UGT1A4: variants seen among roughly 807,000 people sequenced by gnomAD.
UGT1A4 encodes the protein UDP-glucuronosyltransferase 1A4.
UGT1A4 carries 32 observed loss-of-function variants against 41.1 expected under a neutral mutation model. That is an observed-to-expected ratio of 0.78 (90% CI 0.59 to 1.05). The LOEUF is 1.05. Among genes scored for constraint, UGT1A4 ranks in the 50% least tolerant of loss-of-function variants. The pLI, the probability that UGT1A4 is intolerant of heterozygous loss-of-function variation, is 0.00. For synonymous variants in UGT1A4, 283 were observed against 265.1 expected (o/e 1.07, Z -0.66); for missense variants, 748 against 677.4 (o/e 1.10, Z -1.16).
At chr2:233,738,215 A>G (rs927290766) in intron 1 of UGT1A4, among the ~76,000 whole-genome samples, 4 of 152,078 alleles carry the variant, frequency 2.6e-5, no homozygotes, top group African/African-American at 9.7e-5. Context: ...TGCCAGGATT[A>G]TAAGTTTCCT....
In UGT1A4 at chr2:233,769,475, G is replaced by A. The variant is rs1699877907; in HGVS notation, c.1307+1036G>A. 2.5e-6 allele frequency: 4 copies of A among 1,611,166 alleles called. No homozygotes were observed. The highest frequency in any genetic ancestry group is 1.7e-4 in the Middle Eastern group (1 of 6,054). ...TGTGCATTCATATGCGTGTGTGTGT[G>A]TGTGCGTGTGTTTATGAGAGTGTCC... On this transcript the variant is annotated intron_variant, in intron 4 of 4. Coordinates refer to ENST00000373409, the MANE Select transcript of UGT1A4 (RefSeq NM_007120.3). The surrounding 1 kb of genome is among the most constrained non-coding windows in gnomAD (Gnocchi z 4.4).
rs1328380095 is a variant in UGT1A4, at chr2:233,769,540, G to A, written c.1307+1101G>A. On this transcript the variant is annotated intron_variant, in intron 4 of 4. Coordinates refer to ENST00000373409, the MANE Select transcript of UGT1A4 (RefSeq NM_007120.3). The surrounding 1 kb of genome is among the most constrained non-coding windows in gnomAD (Gnocchi z 4.4). ...TGGTTACCTCCTTTAGAAAGAAGCA[G>A]CAGTCAGGAAGACAGATGTGAAGAG... The A allele has an allele frequency of 1.9e-6, 3 of 1,612,926 alleles. No homozygotes were observed. In the South Asian group the frequency reaches 3.3e-5, roughly 18 times the overall value.
intron 1 of UGT1A4, among the ~76,000 whole-genome samples, chr2:233,751,287 T>G (rs1462877412): frequency 6.6e-6 from 1 of 151,922 alleles, no homozygotes; most frequent in Admixed American, 6.5e-5. Context: ...GTTTCTCCCA[T>G]TTGGAATGGG....
chr2:233,760,562 T>C (rs1218423176), intron 1 of UGT1A4: 6 of 1,614,228 alleles, frequency 3.7e-6, no homozygotes, highest in East Asian at 2.2e-5. Flanking sequence ...AAAGAGTCTT[T>C]TGTTAGTCTC....
intron 1 of UGT1A4, chr2:233,760,619 A>G: frequency 6.2e-7 from 1 of 1,614,198 alleles, no homozygotes; most frequent in Non-Finnish European, 8.5e-7. Flanking sequence ...CGTGTGATCA[A>G]AACATACAAG....
At chr2:233,734,343 T>G (rs1193439739) in intron 1 of UGT1A4, among the ~76,000 whole-genome samples, 2 of 152,200 alleles carry the variant, frequency 1.3e-5, no homozygotes, top group Admixed American at 6.5e-5. Flanking sequence ...TGATGGTAGT[T>G]TGTATTTCTG....
chr2:233,743,534 T>C, intron 1 of UGT1A4: 1 of 1,367,218 alleles, frequency 7.3e-7, no homozygotes, highest in Non-Finnish European at 9.8e-7. Flanking sequence ...CCCCAGCAGT[T>C]CCTCTGACCC....
At chr2:233,747,177 T>A in intron 1 of UGT1A4, 1 of 1,600,690 alleles carries the variant, frequency 6.2e-7, no homozygotes, top group Non-Finnish European at 8.5e-7. Context: ...AGGCACAGCG[T>A]GGGGTGGACA....
chr2:233,755,387 G>A lies in UGT1A4; in HGVS notation c.868-11647G>A, dbSNP rs28900392. On this transcript the variant is annotated intron_variant, in intron 1 of 4. Transcript: ENST00000373409. Reference sequence around the variant, plus strand: ...CGCCTGGAGGGCCGCCCCTTATGACGCAGCCACATCTCATTGGCCGAGGCC... The same window carrying A: ...CGCCTGGAGGGCCGCCCCTTATGACACAGCCACATCTCATTGGCCGAGGCC... 908 of 345,012 alleles carry A rather than the reference G, an allele frequency of 2.6e-3. 4 individuals are homozygous for A. Among genetic ancestry groups the A allele is most frequent in the African/African-American group, 0.018 (852 of 46,552 alleles). The allele number at this position is 345,012 out of a possible 1,614,324, so 21.4% of individuals were successfully genotyped here.
chr2:233,761,112 T>C (rs762490577), intron 1 of UGT1A4: 2 of 1,614,122 alleles, frequency 1.2e-6, no homozygotes, highest in Non-Finnish European at 1.7e-6. Flanking sequence ...TGGTTTTTGT[T>C]GGTGGAATCA....
rs574223666 is a variant in UGT1A4, at chr2:233,734,984, T to C, written c.867+15297T>C. ...GTGATGTGGTGCTGAGAAGAATGTA[T>C]ATTCTCTTGACTTAGGGTGGAGAGT... On this transcript the variant is annotated intron_variant, in intron 1 of 4. Transcript: ENST00000373409. Among the ~76,000 whole-genome samples, 9 of 152,370 alleles carry C rather than the reference T, an allele frequency of 5.9e-5. No homozygotes were observed. In the East Asian group the frequency reaches 1.5e-3, roughly 26 times the overall value.
At chr2:233,735,564 G>A (rs550679567) in intron 1 of UGT1A4, among the ~76,000 whole-genome samples, 59 of 152,124 alleles carry the variant, frequency 3.9e-4, no homozygotes, top group African/African-American at 1.3e-3. Flanking sequence ...TGGTGTTATC[G>A]GGTTATTTTG....
chr2:233,724,346 C>T (rs1441595042), intron 1 of UGT1A4, among the ~76,000 whole-genome samples: 2 of 148,086 alleles, frequency 1.4e-5, no homozygotes, highest in Admixed American at 6.7e-5. Context: ...GCTGACCCCC[C>T]CCACCTCCCT....
Position 233,769,795 on chromosome 2 carries a change from C to A in UGT1A4, c.1307+1356C>A. 1 of 1,235,564 alleles carries A rather than the reference C, an allele frequency of 8.1e-7. No homozygotes were observed. The highest frequency in any genetic ancestry group is 1.1e-6 in the Non-Finnish European group (1 of 932,226). 76.5% of individuals were successfully genotyped at this position (1,235,564 alleles called of 1,614,324 possible). On this transcript the variant is annotated intron_variant, in intron 4 of 4. Coordinates refer to ENST00000373409, the MANE Select transcript of UGT1A4 (RefSeq NM_007120.3). This position sits in a 1 kb window ranked among gnomAD's most constrained non-coding sequence, Gnocchi z 4.4. ...GCTTGAGCCCAGAAGTTGGAGGCTG[C>A]TATGAGCCGTGATCATGCCACTGCA...
intron 1 of UGT1A4, chr2:233,754,267 A>C (rs1695437171): frequency 5.7e-6 from 1 of 176,798 alleles, no homozygotes; most frequent in African/African-American, 2.4e-5. Flanking sequence ...GTAAGGCTCA[A>C]AGTGCTGAGA....
chr2:233,747,025 G>A (rs1332207172), intron 1 of UGT1A4, among the ~76,000 whole-genome samples: 1 of 151,910 alleles, frequency 6.6e-6, no homozygotes. Flanking sequence ...GGTCTTTCCC[G>A]AAGTGGGACC....
rs1029804751 is a variant in UGT1A4, at chr2:233,760,707, G to A, written c.868-6327G>A. ...ACAACAAGGAGCTCATGGCCTCCCT[G>A]GCAGAAAGCAGCTTTGATGTCATGC... On this transcript the variant is annotated intron_variant, in intron 1 of 4. Transcript: ENST00000373409. 6.8e-6 allele frequency: 11 copies of A among 1,614,064 alleles called. No individual in the cohort carries two copies. The East Asian group carries it at 8.9e-5, about 13-fold the overall frequency.
rs1464926221 is a variant in UGT1A4, at chr2:233,757,539, T to A, written c.868-9495T>A. ...GCCAAAATCTTGCCTGTAAGGAATA[T>A]ATATATATATATATATATATATGTA... On this transcript the variant is annotated intron_variant, in intron 1 of 4. Coordinates refer to ENST00000373409, the MANE Select transcript of UGT1A4 (RefSeq NM_007120.3). 4.5e-4 allele frequency among the ~76,000 whole-genome samples: 52 copies of A among 115,728 alleles called. 1 individual carries two copies. Among genetic ancestry groups the A allele is most frequent in the African/African-American group, 1.8e-3 (48 of 26,632 alleles). 75.9% of individuals were successfully genotyped at this position (115,728 alleles called of 152,430 possible). A position where few individuals can be genotyped will look rare whatever the true frequency, so the allele number is the denominator to read the frequency against.
rs1699597581 is a variant in UGT1A4 at position 233,768,288 on chromosome 2, G to A, written c.1156G>A (p.Gly386Ser). 4 of 1,614,072 alleles carry A rather than the reference G, an allele frequency of 2.5e-6. No individual in the cohort carries two copies. Among genetic ancestry groups the A allele is most frequent in the Non-Finnish European group, 3.4e-6 (4 of 1,180,052 alleles). ...TGGTGTTTATGAAAGCATATGCAATGGCGTTCCCATGGTGATGATGCCCTT... is the reference window on the plus strand; with the variant it reads ...TGGTGTTTATGAAAGCATATGCAATAGCGTTCCCATGGTGATGATGCCCTT... ...SHGVYESICN[G>S]VPMVMMPLFG... The change falls in exon 4 of 5, where the codon GGC (glycine) becomes AGC (serine). Residue 386 changes from glycine to serine, a missense_variant. Physicochemically the swap from Gly to Ser is moderately conservative, Grantham distance 56. Transcript: ENST00000373409.
Sources: allele counts gnomAD v4.1 joint callset (sites outside exome capture counted in the v4.1 genomes callset), GRCh38; gene constraint gnomAD v4.1.1; non-coding constraint Gnocchi (gnomAD v3.1); transcripts MANE v1.5; gene names NCBI Gene and HGNC (gene_info 2026-07-23, HGNC 2026-07-21).